CCDC60: variants seen among roughly 807,000 people sequenced by gnomAD.
CCDC60 encodes the protein coiled-coil domain containing 60, also known as coiled-coil domain-containing protein 60.
Under a neutral mutation model 63.5 loss-of-function variants are expected in CCDC60, and 54 were observed. The ratio of observed to expected loss-of-function variants is 0.85; its 90% CI spans 0.68 to 1.07. The LOEUF (loss-of-function observed/expected upper bound fraction) is 1.07, where lower values mean the gene tolerates loss of function less well. CCDC60 is among the 50% of genes least tolerant of loss of function. CCDC60 has a pLI of 0.00. For synonymous variants in CCDC60, 206 were observed against 238.8 expected (o/e 0.86, Z 1.27); for missense variants, 651 against 684.3 (o/e 0.95, Z 0.54).
intron 1 of CCDC60, chr12:119,387,839 G>A (rs1476728594): frequency 5.3e-5 from 8 of 152,078 alleles, no homozygotes; most frequent in Admixed American, 5.2e-4. Flanking sequence ...CACATTTCAG[G>A]TTACTCTTAA....
chr12:119,499,337 GA>G (rs796537933), intron 5 of CCDC60, among the ~76,000 whole-genome samples: 34 of 150,564 alleles, frequency 2.3e-4, no homozygotes, highest in African/African-American at 8.0e-4. Flanking sequence ...GGCATTTTAA[GA>G]AAAAAAAATA....
chr12:119,525,445 C>A (rs1269451427), intron 11 of CCDC60, among the ~76,000 whole-genome samples: 1 of 152,158 alleles, frequency 6.6e-6, no homozygotes, highest in Non-Finnish European at 1.5e-5. Flanking sequence ...TAACAGCAGA[C>A]CTCTCAGCTG....
chr12:119,347,094 A>C (rs1331726181), intron 1 of CCDC60, among the ~76,000 whole-genome samples: 1 of 152,086 alleles, frequency 6.6e-6, no homozygotes, highest in Admixed American at 6.6e-5. Context: ...AAGTGCTGGG[A>C]TTACAGTCAT....
intron 1 of CCDC60, among the ~76,000 whole-genome samples, chr12:119,364,269 CAAT>C (rs1955819107): frequency 6.6e-6 from 1 of 151,992 alleles, no homozygotes; most frequent in Non-Finnish European, 1.5e-5. Context: ...GTCTACAGTT[CAAT>C]GAGATTTGAC....
At chr12:119,519,855 AGTGT>A (rs903078634) in intron 8 of CCDC60, among the ~76,000 whole-genome samples, 1 of 127,126 alleles carries the variant, frequency 7.9e-6, no homozygotes, top group Non-Finnish European at 1.7e-5. Context: ...AGAGAGAGAG[AGTGT>A]GTGTGTGTGT....
chr12:119,472,870 C>T (rs1332084959), intron 3 of CCDC60, among the ~76,000 whole-genome samples: 1 of 152,108 alleles, frequency 6.6e-6, no homozygotes, highest in Admixed American at 6.5e-5. Flanking sequence ...TGTGAGCCAC[C>T]ACGCCCGGCC....
At chr12:119,517,518 G>A (rs1414950235) in intron 8 of CCDC60, among the ~76,000 whole-genome samples, 1 of 152,198 alleles carries the variant, frequency 6.6e-6, no homozygotes, top group African/African-American at 2.4e-5. Flanking sequence ...ATGGGGATCA[G>A]AGAAGTTTCC....
intron 1 of CCDC60, among the ~76,000 whole-genome samples, chr12:119,392,941 G>A (rs1250668701): frequency 6.6e-6 from 1 of 152,114 alleles, no homozygotes; most frequent in Non-Finnish European, 1.5e-5. Flanking sequence ...GACTGCTTGA[G>A]ACAAGGAGTT....
intron 4 of CCDC60, among the ~76,000 whole-genome samples, chr12:119,481,398 G>A (rs1566033363): frequency 6.6e-6 from 1 of 152,098 alleles, no homozygotes; most frequent in Non-Finnish European, 1.5e-5. Context: ...GAATCGTCTG[G>A]GGGTGGGGGA....
rs373672037 is a variant in CCDC60, at chr12:119,489,749, C to T, written c.557+883C>T. Among the ~76,000 whole-genome samples, 4 of 152,204 alleles carry T rather than the reference C, an allele frequency of 2.6e-5. No homozygotes were observed. In the South Asian group the frequency reaches 8.3e-4, roughly 32 times the overall value. Reference sequence around the variant, plus strand: ...CCCACCCCCCGTGCTAACCCATGCCCTCCCATAGTCCTGCCTCCCAGGTGG... The same window carrying T: ...CCCACCCCCCGTGCTAACCCATGCCTTCCCATAGTCCTGCCTCCCAGGTGG... On this transcript the variant is annotated intron_variant, in intron 5 of 13. Transcript: ENST00000327554.
chr12:119,534,495 G>A lies in CCDC60; in HGVS notation c.1551+3432G>A, dbSNP rs1000892381. 3.3e-5 allele frequency among the ~76,000 whole-genome samples: 5 copies of A among 152,250 alleles called. 1 individual carries two copies. In the South Asian group the frequency reaches 8.3e-4, roughly 25 times the overall value. Reference sequence around the variant, plus strand: ...GAGACGGCATCCCTGTCTTGTGCCAGTTTTCAAAAGGAATGCTTCCCGTTT... The same window carrying A: ...GAGACGGCATCCCTGTCTTGTGCCAATTTTCAAAAGGAATGCTTCCCGTTT... On this transcript the variant is annotated intron_variant, in intron 13 of 13. Coordinates refer to ENST00000327554, the MANE Select transcript of CCDC60 (RefSeq NM_178499.5).
chr12:119,379,126 G>A (rs1432238026), intron 1 of CCDC60, among the ~76,000 whole-genome samples: 3 of 152,344 alleles, frequency 2.0e-5, no homozygotes, highest in South Asian at 2.1e-4. Flanking sequence ...AACACTAGGA[G>A]CTCATGCCAG....
At chr12:119,378,083 G>A (rs920359055) in intron 1 of CCDC60, among the ~76,000 whole-genome samples, 1 of 152,220 alleles carries the variant, frequency 6.6e-6, no homozygotes, top group African/African-American at 2.4e-5. Context: ...GATTCACATA[G>A]AGCCCGAGAG....
intron 4 of CCDC60, among the ~76,000 whole-genome samples, chr12:119,480,744 C>T (rs1034126511): frequency 6.6e-6 from 1 of 150,438 alleles, no homozygotes; most frequent in Non-Finnish European, 1.5e-5. Flanking sequence ...TCATCATCAC[C>T]ATCATCCTCA....
At chr12:119,520,040 TC>T (rs1302043896) in intron 8 of CCDC60, 80 bp from the exon 9 acceptor site, 9 of 1,169,242 alleles carry the variant, frequency 7.7e-6, no homozygotes, top group Admixed American at 3.6e-5. Context: ...GAAAGAGAAT[TC>T]CCCCTCCTCC....
At chr12:119,492,423 G>C (rs931058300) in intron 5 of CCDC60, among the ~76,000 whole-genome samples, 4 of 152,086 alleles carry the variant, frequency 2.6e-5, no homozygotes, top group African/African-American at 9.7e-5. Flanking sequence ...CACTGTTCGG[G>C]ATTCATTTTT....
intron 13 of CCDC60, 40 bp downstream of exon 13, chr12:119,531,103 T>C: frequency 6.4e-7 from 1 of 1,563,186 alleles, no homozygotes; most frequent in Non-Finnish European, 8.8e-7. Context: ...GTTTCAGGTG[T>C]CCTCATTCAA....
At chr12:119,411,874 C>G (rs984725364) in intron 1 of CCDC60, among the ~76,000 whole-genome samples, 1 of 152,096 alleles carries the variant, frequency 6.6e-6, no homozygotes, top group Non-Finnish European at 1.5e-5. Context: ...CAGTCTGAAT[C>G]GCTGCCAACA....
chr12:119,458,437 AT>A (rs201093698), intron 2 of CCDC60, among the ~76,000 whole-genome samples: 30 of 151,500 alleles, frequency 2.0e-4, no homozygotes, highest in African/African-American at 5.3e-4. Flanking sequence ...TTTTATTTTT[AT>A]TTTTTTTTAA....
Sources: allele counts gnomAD v4.1 joint callset (sites outside exome capture counted in the v4.1 genomes callset), GRCh38; gene constraint gnomAD v4.1.1; transcripts MANE v1.5; gene names NCBI Gene and HGNC (gene_info 2026-07-23, HGNC 2026-07-21).